Variants in HDHD5 observed in about 807,000 individuals in gnomAD.
The protein encoded by HDHD5 is haloacid dehalogenase-like hydrolase domain-containing 5.
Under a neutral mutation model 35.5 loss-of-function variants are expected in HDHD5, and 34 were observed. The ratio of observed to expected loss-of-function variants is 0.96; its 90% CI spans 0.73 to 1.28. The LOEUF (loss-of-function observed/expected upper bound fraction) is 1.28. HDHD5 is among the 50% of genes most tolerant of loss of function. HDHD5 has a pLI of 0.00. For synonymous variants in HDHD5, 248 were observed against 240.6 expected, an observed-to-expected ratio of 1.03 and a Z score of -0.29; for missense variants, 589 against 560.2, an observed-to-expected ratio of 1.05 and a Z score of -0.52.
At chr22:17,142,856 T>C in intron 5 of HDHD5, 1 of 482,986 alleles carries the variant, frequency 2.1e-6, no homozygotes, top group Non-Finnish European at 3.6e-6. Context: ...TCTAGGTGTC[T>C]TTCCACCACT....
intron 1 of HDHD5, among the ~76,000 whole-genome samples, chr22:17,156,348 C>T (rs879464603): frequency 3.9e-5 from 6 of 152,184 alleles, no homozygotes; most frequent in Non-Finnish European, 8.8e-5. Context: ...CACTGTGGCT[C>T]ACGCCTGTAA....
intron 1 of HDHD5, among the ~76,000 whole-genome samples, chr22:17,154,157 C>T (rs2061758610): frequency 1.3e-5 from 2 of 150,782 alleles, no homozygotes; most frequent in South Asian, 4.2e-4. Context: ...CCACCGCGCC[C>T]AGCCAACAAT....
upstream of HDHD5, among the ~76,000 whole-genome samples, chr22:17,161,458 C>T (rs1601409566): frequency 1.3e-5 from 2 of 151,670 alleles, no homozygotes; most frequent in African/African-American, 4.9e-5. Flanking sequence ...ACTTGGGAGG[C>T]TGAGGCAGGA....
At chr22:17,158,805 T>G in intron 1 of HDHD5, 21 of 181,324 alleles carry the variant, frequency 1.2e-4, no homozygotes, top group East Asian at 1.3e-4. Flanking sequence ...AACGTCCTCA[T>G]GGTGGAAATC....
upstream of HDHD5, among the ~76,000 whole-genome samples, chr22:17,161,404 C>A (rs549295295): frequency 2.0e-5 from 3 of 150,554 alleles, no homozygotes; most frequent in East Asian, 5.9e-4. Context: ...ACTAAAAATA[C>A]AAAAATTAGC....
rs2061617295 is a variant in HDHD5, at chr22:17,143,109, G to C, written c.560C>G (p.Pro187Arg). 22 of 1,609,950 alleles carry C rather than the reference G, an allele frequency of 1.4e-5. No individual in the cohort carries two copies. The highest frequency in any genetic ancestry group is 1.7e-5 in the Non-Finnish European group (20 of 1,178,474). The change falls in exon 5 of 8, where the codon CCC becomes CGC. Residue 187 changes from proline to arginine, a missense_variant. Physicochemically the swap from Pro to Arg is moderately radical, Grantham distance 103. Coordinates refer to ENST00000336737, the MANE Select transcript of HDHD5 (RefSeq NM_033070.3). ...KTTPLPRNDF[P>R]RIEGVLLLGE... Reference sequence around the variant, plus strand: ...AGGACCTCTCTTACCTTCAATGCGGGGGAAGTCATTCCTCGGGAGGGGCTG... The same window carrying C: ...AGGACCTCTCTTACCTTCAATGCGGCGGAAGTCATTCCTCGGGAGGGGCTG...
chr22:17,150,523 T>C (rs1011534128), intron 1 of HDHD5, among the ~76,000 whole-genome samples: 1 of 43,312 alleles, frequency 2.3e-5, no homozygotes, highest in Non-Finnish European at 5.4e-5. Flanking sequence ...CTTGGCTGTC[T>C]TTTTTTTTTT....
Position 17,146,634 on chromosome 22 carries a change from C to T in HDHD5, c.444-1517G>A, listed in dbSNP as rs185406985. Among the ~76,000 whole-genome samples, 13 of 20,062 alleles carry T rather than the reference C, an allele frequency of 6.5e-4. 2 individuals are homozygous for T. The highest frequency in any genetic ancestry group is 5.0e-3 in the African/African-American group (13 of 2,604). The allele number at this position is 20,062 out of a possible 152,430, so 13.2% of individuals were successfully genotyped here. ...TGGCACACTCCTGTGAGCTTACAGG[C>T]CTTCGATCACACGTCATCGCACACG... On this transcript the variant is annotated intron_variant, in intron 3 of 7. Coordinates refer to ENST00000336737, the MANE Select transcript of HDHD5 (RefSeq NM_033070.3).
chr22:17,161,259 AAAG>A (rs1243475483), upstream of HDHD5, among the ~76,000 whole-genome samples: 89 of 147,854 alleles, frequency 6.0e-4, no homozygotes, highest in Non-Finnish European at 9.7e-4. Context: ...AAAAAAAAAA[AAAG>A]AAAGAAGAAA....
upstream of HDHD5, among the ~76,000 whole-genome samples, chr22:17,160,932 A>G (rs910089121): frequency 4.7e-5 from 6 of 126,336 alleles, no homozygotes; most frequent in African/African-American, 1.2e-4. Flanking sequence ...GCTTTTAAAC[A>G]TGCCCACAGT....
At chr22:17,139,313 A>T (rs1211409593) in intron 6 of HDHD5, among the ~76,000 whole-genome samples, 2 of 152,228 alleles carry the variant, frequency 1.3e-5, no homozygotes, top group Admixed American at 6.5e-5. Context: ...GGATCACCTG[A>T]GGTCAGGAGT....
intron 1 of HDHD5, among the ~76,000 whole-genome samples, chr22:17,157,115 A>ACAC (rs1244963563): frequency 2.5e-5 from 2 of 80,962 alleles, no homozygotes; most frequent in Admixed American, 1.3e-4. Flanking sequence ...CACACACACA[A>ACAC]AAGAAAAAAG....
chr22:17,143,107 G>T lies in HDHD5; in HGVS notation c.562C>A (p.Arg188Ser), dbSNP rs374912416. ...AGAGGACCTCTCTTACCTTCAATGC[G>T]GGGGAAGTCATTCCTCGGGAGGGGC... ...TTPLPRNDFPRIEGVLLLGEP... is the reference protein window; with the variant it reads ...TTPLPRNDFPSIEGVLLLGEP... Residue 188 changes from arginine to serine, a missense_variant, in exon 5 of 8, where the codon CGC becomes AGC. Transcript: ENST00000336737. The T allele has an allele frequency of 6.2e-7, 1 of 1,609,950 alleles. No homozygotes were observed. The highest frequency in any genetic ancestry group is 1.7e-4 in the Middle Eastern group (1 of 6,048).
intron 7 of HDHD5, 90 bp from the exon 8 acceptor site, chr22:17,138,447 G>C: frequency 6.5e-7 from 1 of 1,545,446 alleles, no homozygotes; most frequent in South Asian, 1.2e-5. Flanking sequence ...AGAGTTTCGG[G>C]GCAGAAGAGT....
In HDHD5 at chr22:17,145,846, C is replaced by G. The variant is rs540492358; in HGVS notation, c.444-729G>C. 3.3e-5 allele frequency among the ~76,000 whole-genome samples: 5 copies of G among 152,210 alleles called. No individual in the cohort carries two copies. The East Asian group carries it at 9.7e-4, about 29-fold the overall frequency. ...CCAGAGGAGTCATGGAGAAGTAGGGCTGGAGCTAAAATCTTAAAGGATGAA... is the reference window on the plus strand; with the variant it reads ...CCAGAGGAGTCATGGAGAAGTAGGGGTGGAGCTAAAATCTTAAAGGATGAA... On this transcript the variant is annotated intron_variant, in intron 3 of 7. Coordinates refer to ENST00000336737, the MANE Select transcript of HDHD5 (RefSeq NM_033070.3).
At chr22:17,144,567 C>T (rs1184513227) in intron 4 of HDHD5, among the ~76,000 whole-genome samples, 1 of 152,130 alleles carries the variant, frequency 6.6e-6, no homozygotes, top group African/African-American at 2.4e-5. Context: ...GCATCCATCA[C>T]TGTGCCCAGC....
Position 17,149,597 on chromosome 22 carries a change from C to T in HDHD5, c.275G>A (p.Gly92Glu). 1.9e-6 allele frequency: 3 copies of T among 1,613,074 alleles called. No homozygotes were observed. The highest frequency in any genetic ancestry group is 2.5e-6 in the Non-Finnish European group (3 of 1,180,008). ...RVPVVFVTNA[G>E]NILQHSKAQE... ...GGCTTTGCTGTGTTGTAAGATGTTC[C>T]CAGCATTTGTAACAAAAACCACGGG... is the stretch of plus-strand genomic sequence containing the variant. Residue 92 changes from glycine to glutamate, a missense_variant, in exon 2 of 8, where the codon GGG becomes GAG. Coordinates refer to ENST00000336737, the MANE Select transcript of HDHD5 (RefSeq NM_033070.3).
At chr22:17,139,537 A>G (rs2123846969) in intron 6 of HDHD5, among the ~76,000 whole-genome samples, 1 of 151,914 alleles carries the variant, frequency 6.6e-6, no homozygotes, top group African/African-American at 2.4e-5. Context: ...AAAAAAAAAA[A>G]ACAAACAAAC....
At chr22:17,159,624 T>A, upstream of HDHD5, 1 of 399,418 alleles carries the variant, frequency 2.5e-6, no homozygotes, top group Non-Finnish European at 4.9e-6. Flanking sequence ...GGTCTCAACC[T>A]TGACTTCAGG....
Sources: allele counts gnomAD v4.1 joint callset (sites outside exome capture counted in the v4.1 genomes callset), GRCh38; gene constraint gnomAD v4.1.1; transcripts MANE v1.5; gene names NCBI Gene and HGNC (gene_info 2026-07-23, HGNC 2026-07-21).